RBFOX1: variants seen among roughly 807,000 people sequenced by gnomAD.
RBFOX1 encodes RNA binding protein fox-1 homolog 1.
A neutral mutation model predicts 57.7 loss-of-function variants in RBFOX1; 8 were observed. The observed-to-expected ratio is 0.14, with a 90% CI of 0.08 to 0.25. RBFOX1 has a LOEUF of 0.25. RBFOX1 is among the 10% of genes least tolerant of loss of function. RBFOX1 has a pLI of 1.00. For synonymous variants in RBFOX1, 326 were observed against 222.4 expected (o/e 1.47, Z -4.15); for missense variants, 611 against 548.5 (o/e 1.11, Z -1.14).
At chr16:5,547,213 A>T (rs1420248349) in intron 2 of RBFOX1, among the ~76,000 whole-genome samples, 2 of 152,214 alleles carry the variant, frequency 1.3e-5, no homozygotes, top group Non-Finnish European at 2.9e-5. Context: ...CTGGTTCAAC[A>T]TGCACCTGTC....
chr16:7,240,242 C>T (rs1046149367), intron 4 of RBFOX1, among the ~76,000 whole-genome samples: 1 of 152,126 alleles, frequency 6.6e-6, no homozygotes, highest in African/African-American at 2.4e-5. Context: ...GCTGGGATTA[C>T]AGGTATGAGC....
At position 7,688,786 on chromosome 16, in the gene RBFOX1, T is replaced by A. The variant is rs76815077; in HGVS notation, c.995+11948T>A. Among the ~76,000 whole-genome samples, 11 of 152,250 alleles carry A rather than the reference T, an allele frequency of 7.2e-5. No homozygotes were observed. In the East Asian group the frequency reaches 2.1e-3, roughly 29 times the overall value. On this transcript the variant is annotated intron_variant, in intron 14 of 15. Coordinates refer to ENST00000550418, the MANE Select transcript of RBFOX1 (RefSeq NM_018723.4). ...AAGAGACAGACCATGGCATATGCCA[T>A]TTCATAATCAAGTTGTTGTTAGAAT...
chr16:7,540,697 C>T (rs1056717496), intron 5 of RBFOX1, among the ~76,000 whole-genome samples: 2 of 152,148 alleles, frequency 1.3e-5, no homozygotes, highest in African/African-American at 4.8e-5. Flanking sequence ...CTGGTTGTCT[C>T]TTCTTGAATG....
chr16:7,315,093 T>A (rs5815395), intron 4 of RBFOX1, among the ~76,000 whole-genome samples: 1 of 109,546 alleles, frequency 9.1e-6, no homozygotes, highest in African/African-American at 5.6e-5. Flanking sequence ...GAAAAGCTCT[T>A]TTTTTTTTTT....
chr16:6,972,486 T>G (rs1486868954), intron 3 of RBFOX1, among the ~76,000 whole-genome samples: 2 of 152,228 alleles, frequency 1.3e-5, no homozygotes, highest in East Asian at 3.8e-4. Context: ...TCCATTCATC[T>G]GTCAGTGGAC....
intron 2 of RBFOX1, among the ~76,000 whole-genome samples, chr16:6,470,904 TG>T (rs2095159651): frequency 6.6e-6 from 1 of 152,242 alleles, no homozygotes; most frequent in African/African-American, 2.4e-5. Flanking sequence ...ATACCGTTAC[TG>T]CTGTGTCTTT....
intron 3 of RBFOX1, among the ~76,000 whole-genome samples, chr16:6,775,139 C>A (rs868513858): frequency 2.9e-5 from 4 of 139,164 alleles, no homozygotes; most frequent in African/African-American, 1.1e-4. Context: ...TCCTGGCGAA[C>A]ATGGTGAAAC....
chr16:6,094,793 G>T (rs2096224078), intron 1 of RBFOX1, among the ~76,000 whole-genome samples: 1 of 152,234 alleles, frequency 6.6e-6, no homozygotes, highest in African/African-American at 2.4e-5. Flanking sequence ...GCTGGCCATG[G>T]TGGCTCACGC....
intron 1 of RBFOX1, among the ~76,000 whole-genome samples, chr16:6,276,312 T>C (rs2075795733): frequency 6.6e-6 from 1 of 152,124 alleles, no homozygotes; most frequent in Admixed American, 6.5e-5. Context: ...GGGCACATGC[T>C]CATAGAAATA....
intron 2 of RBFOX1, among the ~76,000 whole-genome samples, chr16:6,509,193 A>G (rs2096192141): frequency 6.6e-6 from 1 of 152,210 alleles, no homozygotes; most frequent in African/African-American, 2.4e-5. Context: ...ATTATCTGGT[A>G]AAGGTATTTT....
intron 4 of RBFOX1, among the ~76,000 whole-genome samples, chr16:7,457,232 A>G (rs1419111573): frequency 6.6e-6 from 1 of 152,028 alleles, no homozygotes; most frequent in Non-Finnish European, 1.5e-5. Context: ...CATGAATGCA[A>G]GCAGTGGCTC....
At chr16:5,666,582 C>T (rs879269414) in intron 3 of RBFOX1, among the ~76,000 whole-genome samples, 12 of 152,212 alleles carry the variant, frequency 7.9e-5, no homozygotes, top group Non-Finnish European at 1.8e-4. Context: ...CCTAAGCCAA[C>T]AGTGTACTTA....
At chr16:7,223,178 A>G (rs952960718) in intron 4 of RBFOX1, among the ~76,000 whole-genome samples, 2 of 152,216 alleles carry the variant, frequency 1.3e-5, no homozygotes, top group African/African-American at 2.4e-5. Flanking sequence ...CCAGGACAAC[A>G]AAGGTTATTG....
At chr16:6,394,432 G>A (rs1053808807) in intron 2 of RBFOX1, among the ~76,000 whole-genome samples, 4 of 152,114 alleles carry the variant, frequency 2.6e-5, no homozygotes, top group Admixed American at 2.0e-4. Context: ...CTGCTGGTGG[G>A]AGTGGGGGAA....
chr16:7,323,364 C>T (rs1228781827), intron 4 of RBFOX1, among the ~76,000 whole-genome samples: 1 of 152,184 alleles, frequency 6.6e-6, no homozygotes, highest in Non-Finnish European at 1.5e-5. Context: ...TCGGAGGCTG[C>T]AGTGAGCTAT....
intron 3 of RBFOX1, among the ~76,000 whole-genome samples, chr16:6,767,769 C>G (rs777994791): frequency 2.6e-4 from 39 of 151,706 alleles, no homozygotes; most frequent in Non-Finnish European, 4.3e-4. Context: ...CAAAAATTAG[C>G]CAGGCATGGT....
intron 3 of RBFOX1, among the ~76,000 whole-genome samples, chr16:5,770,733 T>A (rs1597182412): frequency 6.6e-6 from 1 of 152,168 alleles, no homozygotes; most frequent in East Asian, 1.9e-4. Flanking sequence ...TCAAACTGAT[T>A]TATTCCACTG....
chr16:7,066,806 T>C (rs2056161379), intron 4 of RBFOX1, among the ~76,000 whole-genome samples: 1 of 152,180 alleles, frequency 6.6e-6, no homozygotes, highest in Non-Finnish European at 1.5e-5. Flanking sequence ...TTTGGTTCAA[T>C]AAGAGGAGCA....
intron 3 of RBFOX1, among the ~76,000 whole-genome samples, chr16:6,806,843 T>A (rs1444328102): frequency 2.2e-5 from 3 of 135,334 alleles, no homozygotes; most frequent in South Asian, 2.4e-4. Flanking sequence ...TATATTTTTT[T>A]TTTTTTTTGA....
Sources: allele counts gnomAD v4.1 joint callset (sites outside exome capture counted in the v4.1 genomes callset), GRCh38; gene constraint gnomAD v4.1.1; transcripts MANE v1.5; gene names NCBI Gene and HGNC (gene_info 2026-07-23, HGNC 2026-07-21).